STEEP1: variants seen among roughly 807,000 people sequenced by gnomAD.
The protein encoded by STEEP1 is STING1 ER exit protein 1.
Under a neutral mutation model 19.2 loss-of-function variants are expected in STEEP1, and 3 were observed. The ratio of observed to expected loss-of-function variants is 0.16; its 90% CI spans 0.07 to 0.40. The LOEUF (loss-of-function observed/expected upper bound fraction) is 0.40, where lower values mean the gene tolerates loss of function less well. Ranked by LOEUF, STEEP1 falls within the 10% of genes least tolerant of loss-of-function variation. The pLI is 0.99. For missense variants in STEEP1, 54 were observed against 177.1 expected, an observed-to-expected ratio of 0.30 and a Z score of 3.94; for synonymous variants, 46 against 63.7, an observed-to-expected ratio of 0.72 and a Z score of 1.32.
rs775444597 is a variant in STEEP1, at chrX:119,539,731, T to C, written c.665A>G (p.Lys222Arg). ...AGGGCTTAGAAAAAGGCCTGGTTAT[T>C]TGAACTGGTTGTCAATCAAGGTCCC... ...MKGTLIDNQFK is the reference protein window; with the variant it reads ...MKGTLIDNQFR The change falls in exon 7 of 7, where the codon AAA (lysine) becomes AGA (arginine). Residue 222 changes from lysine to arginine, a missense_variant. Lys to Arg is a conservative substitution (Grantham distance 26). This residue lies in a region of STEEP1 where 7 missense variants were observed against 58.6 expected (regional missense o/e 0.12). Coordinates refer to ENST00000644802, the MANE Select transcript of STEEP1 (RefSeq NM_022101.4). The C allele has an allele frequency of 1.2e-5, 15 of 1,206,379 alleles. No individual in the cohort carries two copies. Among genetic ancestry groups the C allele is most frequent in the Non-Finnish European group, 1.7e-5 (15 of 891,277 alleles).
rs776988320 is a variant in STEEP1, at chrX:119,555,026, T to C, written c.242+5242A>G. On this transcript the variant is annotated intron_variant, in intron 2 of 6. Coordinates refer to ENST00000644802, the MANE Select transcript of STEEP1 (RefSeq NM_022101.4). Reference sequence around the variant, plus strand: ...CAGGAGGCTGAGGTGGGAGGATCACTTGAGCCCAGGAGATCGAGACTGCAG... The same window carrying C: ...CAGGAGGCTGAGGTGGGAGGATCACCTGAGCCCAGGAGATCGAGACTGCAG... Among the ~76,000 whole-genome samples the C allele has an allele frequency of 4.5e-5, 5 of 110,177 alleles. No individual in the cohort carries two copies. The East Asian group carries it at 8.6e-4, about 19-fold the overall frequency.
chrX:119,555,766 C>G (rs181343952), intron 2 of STEEP1, among the ~76,000 whole-genome samples: 13 of 110,821 alleles, frequency 1.2e-4, no homozygotes, highest in African/African-American at 4.3e-4. Context: ...AAGGCAGAAT[C>G]GACAGTACAT....
At chrX:119,561,686 G>GA (rs752560353) in intron 1 of STEEP1, among the ~76,000 whole-genome samples, 9 of 101,048 alleles carry the variant, frequency 8.9e-5, no homozygotes, top group Non-Finnish European at 1.8e-4. Context: ...AAAAAAAAAA[G>GA]AAAAAAAAAG....
chrX:119,545,389 C>A, intron 3 of STEEP1, 74 bp downstream of exon 3: 1 of 673,493 alleles, frequency 1.5e-6, no homozygotes, highest in Non-Finnish European at 2.4e-6. Flanking sequence ...GAGTTGTATC[C>A]AAATAATTAT....
intron 1 of STEEP1, among the ~76,000 whole-genome samples, chrX:119,561,999 C>T (rs1198281899): frequency 8.9e-6 from 1 of 112,934 alleles, no homozygotes; most frequent in Non-Finnish European, 1.9e-5. Context: ...CACCACACCT[C>T]CTTACCAAGA....
chrX:119,544,960 T>G (rs774583338), intron 3 of STEEP1, among the ~76,000 whole-genome samples: 1 of 109,451 alleles, frequency 9.1e-6, no homozygotes, highest in African/African-American at 3.3e-5. Flanking sequence ...AAATTCATTT[T>G]TCTGGCCAGC....
chrX:119,557,857 C>A (rs754227303), intron 2 of STEEP1, among the ~76,000 whole-genome samples: 1 of 111,791 alleles, frequency 8.9e-6, no homozygotes, highest in Admixed American at 9.5e-5. Context: ...CTAGCCTCCA[C>A]AACTATTAAA....
intron 2 of STEEP1, 115 bp from the exon 3 acceptor site, chrX:119,545,619 G>A (rs761091616): frequency 2.4e-5 from 12 of 491,396 alleles, no homozygotes; most frequent in East Asian, 1.7e-4. Context: ...TTTGGGGGCC[G>A]GGCACGGTGG....
intron 1 of STEEP1, 147 bp downstream of exon 1, chrX:119,565,085 G>T: frequency 1.1e-6 from 1 of 941,515 alleles, no homozygotes; most frequent in Non-Finnish European, 1.4e-6. Flanking sequence ...AGTGGGGCGG[G>T]GATGCGTAGG....
At chrX:119,543,679 G>A (rs969405807) in intron 4 of STEEP1, among the ~76,000 whole-genome samples, 1 of 107,029 alleles carries the variant, frequency 9.3e-6, no homozygotes. Context: ...ATAGGGTCTC[G>A]CCGTGCTGCC....
chrX:119,560,985 C>T (rs1365830696), intron 1 of STEEP1, among the ~76,000 whole-genome samples: 6 of 95,068 alleles, frequency 6.3e-5, no homozygotes, highest in Non-Finnish European at 1.0e-4. Context: ...CTGGGCAACA[C>T]AGCAAGACCC....
At position 119,549,100 on chromosome X, in the gene STEEP1, C is replaced by G. The variant is rs757704383; in HGVS notation, c.243-3596G>C. On this transcript the variant is annotated intron_variant, in intron 2 of 6. Coordinates refer to ENST00000644802, the MANE Select transcript of STEEP1 (RefSeq NM_022101.4). ...GTGGAGGAAATGGGAGGTTGTTGTC[C>G]AATGGATATAAAGTTTCTGTTGCGC... is the stretch of plus-strand genomic sequence containing the variant. Among the ~76,000 whole-genome samples the G allele has an allele frequency of 1.1e-3, 127 of 111,406 alleles. 1 individual carries two copies. The highest frequency in any genetic ancestry group is 4.7e-3 in the Middle Eastern group (1 of 213).
intron 2 of STEEP1, among the ~76,000 whole-genome samples, chrX:119,558,129 G>C (rs62601742): frequency 9.0e-6 from 1 of 110,695 alleles, no homozygotes; most frequent in East Asian, 2.9e-4. Flanking sequence ...GCCTGGTCTC[G>C]AACTCCTGGT....
At chrX:119,561,802 A>G (rs1035698446) in intron 1 of STEEP1, among the ~76,000 whole-genome samples, 1 of 112,547 alleles carries the variant, frequency 8.9e-6, no homozygotes, top group African/African-American at 3.2e-5. Flanking sequence ...GTTAGAGAAC[A>G]CTAGGCAGTT....
intron 2 of STEEP1, among the ~76,000 whole-genome samples, chrX:119,545,760 G>A (rs1210381431): frequency 9.0e-6 from 1 of 110,820 alleles, no homozygotes. Context: ...GGGCGCAGTG[G>A]TGCATGCCTA....
At chrX:119,540,742 A>C (rs16995558) in intron 6 of STEEP1, among the ~76,000 whole-genome samples, 2,380 of 112,258 alleles carry the variant, frequency 0.021, 62 homozygotes, top group African/African-American at 0.073. Flanking sequence ...GGACCACAAG[A>C]AGCAGATTAA....
chrX:119,552,041 G>A (rs994282767), intron 2 of STEEP1, among the ~76,000 whole-genome samples: 3 of 109,245 alleles, frequency 2.7e-5, no homozygotes, highest in East Asian at 2.9e-4. Flanking sequence ...CTACAGGTGC[G>A]CACCACCACG....
chrX:119,545,120 G>A, intron 3 of STEEP1, among the ~76,000 whole-genome samples: 1 of 109,899 alleles, frequency 9.1e-6, no homozygotes, highest in Non-Finnish European at 1.9e-5. Flanking sequence ...TTTGGAGGCT[G>A]AGGTGGGCGG....
At chrX:119,545,337 A>T (rs1303227964) in intron 3 of STEEP1, 126 bp downstream of exon 3, 1 of 432,775 alleles carries the variant, frequency 2.3e-6, no homozygotes, top group Admixed American at 2.9e-5. Flanking sequence ...TGGGCGACAG[A>T]GCAAGACTCT....
Sources: allele counts gnomAD v4.1 joint callset (sites outside exome capture counted in the v4.1 genomes callset), GRCh38; gene constraint gnomAD v4.1.1; regional missense constraint gnomAD v4.1.1; transcripts MANE v1.5; gene names NCBI Gene and HGNC (gene_info 2026-07-23, HGNC 2026-07-21).